PHTF2: variants seen among roughly 807,000 people sequenced by gnomAD.
PHTF2 encodes the protein protein PHTF2.
A neutral mutation model predicts 101.2 loss-of-function variants in PHTF2; 60 were observed. The ratio of observed to expected loss-of-function variants is 0.59; its 90% CI spans 0.48 to 0.73. PHTF2 has a LOEUF of 0.73. Ranked by LOEUF, PHTF2 falls within the 30% of genes least tolerant of loss-of-function variation. The pLI is 0.00. For missense variants in PHTF2, 747 were observed against 908.7 expected, an observed-to-expected ratio of 0.82 and a Z score of 2.29; for synonymous variants, 311 against 307.3, an observed-to-expected ratio of 1.01 and a Z score of -0.13.
intron 2 of PHTF2, among the ~76,000 whole-genome samples, chr7:77,845,973 T>C (rs1357051190): frequency 1.3e-5 from 2 of 152,192 alleles, no homozygotes; most frequent in Non-Finnish European, 2.9e-5. Flanking sequence ...CTTTTTTTCC[T>C]ATTGCTTTTC....
At chr7:77,861,729 C>T (rs1027186231) in intron 3 of PHTF2, among the ~76,000 whole-genome samples, 11 of 152,086 alleles carry the variant, frequency 7.2e-5, no homozygotes, top group African/African-American at 2.7e-4. Context: ...TTGAGAAGAG[C>T]CTGGCCAACA....
At chr7:77,933,099 G>A (rs1439518724) in intron 12 of PHTF2, among the ~76,000 whole-genome samples, 4 of 152,066 alleles carry the variant, frequency 2.6e-5, no homozygotes, top group African/African-American at 4.8e-5. Flanking sequence ...TTAGCCGGGC[G>A]TGGTGGCGGG....
chr7:77,935,048 A>T (rs942173411), intron 12 of PHTF2, among the ~76,000 whole-genome samples: 6 of 151,816 alleles, frequency 4.0e-5, no homozygotes, highest in Admixed American at 6.6e-5. Context: ...TGAACCTTTT[A>T]AAAAAAATTT....
intron 11 of PHTF2, 64 bp downstream of exon 10, chr7:77,922,842 T>C (rs781198574): frequency 1.0e-5 from 13 of 1,289,644 alleles, no homozygotes; most frequent in Non-Finnish European, 3.2e-6. Flanking sequence ...ATTTATAACT[T>C]CTTTCAACAA....
At chr7:77,821,614 TG>T (rs1347227600) in intron 1 of PHTF2, among the ~76,000 whole-genome samples, 2 of 152,034 alleles carry the variant, frequency 1.3e-5, no homozygotes, top group African/African-American at 4.8e-5. Flanking sequence ...CACAACTTCT[TG>T]GCTGGTGTGG....
chr7:77,944,200 G>A (rs1230620252), intron 16 of PHTF2, among the ~76,000 whole-genome samples: 1 of 152,194 alleles, frequency 6.6e-6, no homozygotes, highest in Non-Finnish European at 1.5e-5. Context: ...TACATTGCCA[G>A]TATTAGTATT....
At position 77,898,145 on chromosome 7, in the gene PHTF2, C is replaced by A. The variant is rs373846028; in HGVS notation, c.217-2566C>A. 7.9e-5 allele frequency among the ~76,000 whole-genome samples: 12 copies of A among 151,996 alleles called. 1 individual carries two copies. The highest frequency in any genetic ancestry group is 7.7e-4 in the East Asian group (4 of 5,180). ...AAATTGGAAATGAACCCCAAATAAA[C>A]AAGGTCGATTAGAAGAAGCATGTTG... On this transcript the variant is annotated intron_variant, in intron 5 of 19. Coordinates refer to ENST00000416283, the Ensembl canonical transcript of PHTF2.
intron 13 of PHTF2, among the ~76,000 whole-genome samples, chr7:77,938,726 A>G (rs1157038057): frequency 6.6e-6 from 1 of 152,220 alleles, no homozygotes; most frequent in Non-Finnish European, 1.5e-5. Context: ...GCAGTGAGCC[A>G]AGATCACGCC....
intron 17 of PHTF2, among the ~76,000 whole-genome samples, chr7:77,951,154 TA>T (rs1306820002): frequency 2.0e-5 from 3 of 152,074 alleles, no homozygotes; most frequent in African/African-American, 4.8e-5. Context: ...AAATAAATCA[TA>T]AAACAACAAG....
intron 1 of PHTF2, among the ~76,000 whole-genome samples, chr7:77,815,248 A>G (rs563050268): frequency 6.6e-6 from 1 of 152,096 alleles, no homozygotes; most frequent in South Asian, 2.1e-4. Context: ...GGAACCTCAG[A>G]TTTTTCTCTG....
chr7:77,827,307 ATTTTC>A (rs2150537656), intron 1 of PHTF2, among the ~76,000 whole-genome samples: 1 of 152,072 alleles, frequency 6.6e-6, no homozygotes, highest in Non-Finnish European at 1.5e-5. Context: ...TCCAGTTTTC[ATTTTC>A]TTTTCTTAGA....
intron 1 of PHTF2, among the ~76,000 whole-genome samples, chr7:77,836,072 C>T (rs1237761545): frequency 7.1e-6 from 1 of 141,268 alleles, no homozygotes; most frequent in Admixed American, 7.4e-5. Flanking sequence ...GAGCTGAGAT[C>T]ACGCCATTGC....
chr7:77,916,581 C>T lies in PHTF2; in HGVS notation c.777-3698C>T, dbSNP rs139304292. 7.9e-5 allele frequency among the ~76,000 whole-genome samples: 12 copies of T among 152,164 alleles called. 1 individual carries two copies. The highest frequency in any genetic ancestry group is 2.6e-4 in the African/African-American group (11 of 41,524). ...TTAAAAACAAAACAAAACAAAACCA[C>T]AGTTGTTTCTTGGTATCCATGGGAG... On this transcript the variant is annotated intron_variant, in intron 9 of 19. Transcript: ENST00000416283.
At chr7:77,893,467 G>T in intron 3 of PHTF2, 141 bp from the exon 3 acceptor site, 1 of 447,310 alleles carries the variant, frequency 2.2e-6, no homozygotes, top group Non-Finnish European at 4.0e-6. Context: ...GCAATAATAT[G>T]ATACTGATCT....
intron 3 of PHTF2, among the ~76,000 whole-genome samples, chr7:77,862,568 G>A (rs569998177): frequency 6.6e-6 from 1 of 152,304 alleles, no homozygotes; most frequent in South Asian, 2.1e-4. Flanking sequence ...GGAGATCCAA[G>A]AAATGATGCT....
At chr7:77,874,494 C>T (rs1333294225) in intron 3 of PHTF2, among the ~76,000 whole-genome samples, 2 of 152,164 alleles carry the variant, frequency 1.3e-5, no homozygotes, top group South Asian at 2.1e-4. Context: ...AGAGCCAGTC[C>T]AAGTTCCAAA....
chr7:77,845,537 C>T (rs1796209708), intron 2 of PHTF2, among the ~76,000 whole-genome samples: 1 of 152,122 alleles, frequency 6.6e-6, no homozygotes. Context: ...AGAAACTAGC[C>T]TGAGTAACAT....
intron 1 of PHTF2, among the ~76,000 whole-genome samples, chr7:77,823,810 A>G (rs1470204036): frequency 6.6e-6 from 1 of 152,238 alleles, no homozygotes. Flanking sequence ...TAGAGACGAT[A>G]GATGCTACTG....
intron 12 of PHTF2, among the ~76,000 whole-genome samples, chr7:77,932,307 T>G (rs984660093): frequency 1.3e-5 from 2 of 152,048 alleles, no homozygotes; most frequent in African/African-American, 4.8e-5. Context: ...TTCTTAGGAT[T>G]CTGGAGGGGA....
Sources: allele counts gnomAD v4.1 joint callset (sites outside exome capture counted in the v4.1 genomes callset), GRCh38; gene constraint gnomAD v4.1.1; transcripts MANE v1.5; gene names NCBI Gene and HGNC (gene_info 2026-07-23, HGNC 2026-07-21).